SPATA21: variants seen among roughly 807,000 people sequenced by gnomAD.
SPATA21 encodes the protein spermatogenesis-associated protein 21.
In SPATA21, 47 loss-of-function variants were observed where a neutral mutation model predicts 54.8. That is an observed-to-expected ratio of 0.86 (90% CI 0.68 to 1.09). The LOEUF is 1.09. SPATA21 is among the 50% of genes least tolerant of loss of function. The pLI is 0.00. For synonymous variants in SPATA21, 245 were observed against 235.3 expected, an observed-to-expected ratio of 1.04 and a Z score of -0.38; for missense variants, 599 against 596.4, an observed-to-expected ratio of 1.00 and a Z score of -0.05.
chr1:16,430,757 G>A lies in SPATA21; in HGVS notation c.34+581C>T, dbSNP rs72904155. Among the ~76,000 whole-genome samples, 99 of 152,336 alleles carry A rather than the reference G, an allele frequency of 6.5e-4. 1 individual carries two copies. The highest frequency in any genetic ancestry group is 2.3e-3 in the African/African-American group (95 of 41,566). On this transcript the variant is annotated intron_variant, in intron 3 of 12. Coordinates refer to ENST00000335496, the MANE Select transcript of SPATA21 (RefSeq NM_198546.1). ...GCCACCTATCACCTCTGTCTCCATTGTATCAAGAGATCCAGACCACTCCCC... is the reference window on the plus strand; with the variant it reads ...GCCACCTATCACCTCTGTCTCCATTATATCAAGAGATCCAGACCACTCCCC...
intron 2 of SPATA21, 146 bp from the exon 3 acceptor site, chr1:16,431,568 C>T (rs2086458918): frequency 2.9e-6 from 2 of 697,906 alleles, no homozygotes; most frequent in Non-Finnish European, 2.3e-6. Flanking sequence ...GCAGCAAAAC[C>T]AGAGAGCTAG....
intron 3 of SPATA21, 50 bp downstream of exon 3, chr1:16,431,288 G>T: frequency 6.2e-7 from 1 of 1,614,124 alleles, no homozygotes; most frequent in South Asian, 1.1e-5. Context: ...CCCTCTTTAT[G>T]GTGATCCTCA....
At chr1:16,435,461 T>A (rs2086562744) in intron 1 of SPATA21, among the ~76,000 whole-genome samples, 1 of 151,896 alleles carries the variant, frequency 6.6e-6, no homozygotes, top group Non-Finnish European at 1.5e-5. Context: ...GGATTACAGG[T>A]GTGTGCCACC....
intron 2 of SPATA21, among the ~76,000 whole-genome samples, chr1:16,431,940 A>G (rs1469079178): frequency 2.0e-5 from 3 of 152,118 alleles, no homozygotes; most frequent in Non-Finnish European, 2.9e-5. Context: ...TGCTCCTGCT[A>G]TAGATGAAAA....
In SPATA21 at chr1:16,410,161, G is replaced by A. The variant is rs576526267; in HGVS notation, c.145-118C>T. ...ACTGCCCCTTACTCTCTGAGCCTTT[G>A]GAGGATGTACCCCAAATCTCACATG... On this transcript the variant is annotated intron_variant, in intron 5 of 12. Transcript: ENST00000335496. 3 of 848,082 alleles carry A rather than the reference G, an allele frequency of 3.5e-6. No homozygotes were observed. In the Admixed American group the frequency reaches 1.0e-4, roughly 29 times the overall value. The allele number at this position is 848,082 out of a possible 1,614,324, so 52.5% of individuals were successfully genotyped here.
chr1:16,398,932 C>T, intron 12 of SPATA21, 110 bp from the exon 13 acceptor site: 4 of 1,163,488 alleles, frequency 3.4e-6, no homozygotes, highest in Non-Finnish European at 4.8e-6. Context: ...GAGGCCTCCC[C>T]TCAGAAATGG....
At chr1:16,430,010 C>CA (rs1180736400) in intron 3 of SPATA21, among the ~76,000 whole-genome samples, 1 of 131,394 alleles carries the variant, frequency 7.6e-6, no homozygotes, top group Non-Finnish European at 1.6e-5. Flanking sequence ...TCTAAAAATA[C>CA]AAAAAAAATT....
At position 16,409,734 on chromosome 1, in the gene SPATA21, C is replaced by T. The variant is rs1198648922; in HGVS notation, c.454G>A (p.Ala152Thr). The change falls in exon 6 of 13, where the codon GCC (alanine) becomes ACC (threonine). Residue 152 changes from alanine (A) to threonine (T), a missense_variant. Physicochemically the swap from Ala to Thr is moderately conservative, Grantham distance 58. Coordinates refer to ENST00000335496, the MANE Select transcript of SPATA21 (RefSeq NM_198546.1). This position sits in a 1 kb window ranked among gnomAD's most constrained non-coding sequence, Gnocchi z 4.1. ...ARLPAPGPEPAPMGAPVPTSM... is the reference protein window; with the variant it reads ...ARLPAPGPEPTPMGAPVPTSM... ...GTGGGGACCGGGGCTCCCATGGGGG[C>T]AGGTTCTGGCCCAGGAGCTGGCAGC... The T allele has an allele frequency of 1.2e-6, 2 of 1,611,228 alleles. No individual in the cohort carries two copies. The highest frequency in any genetic ancestry group is 1.7e-6 in the Non-Finnish European group (2 of 1,179,134).
chr1:16,416,372 TAC>T (rs1282770819), intron 5 of SPATA21, among the ~76,000 whole-genome samples: 2 of 152,092 alleles, frequency 1.3e-5, no homozygotes, highest in African/African-American at 4.8e-5. Context: ...TTCTGAAGAT[TAC>T]ACAGTTAAAG....
At chr1:16,401,560 T>C (rs150899151) in intron 10 of SPATA21, among the ~76,000 whole-genome samples, 1,722 of 152,298 alleles carry the variant, frequency 0.011, 36 homozygotes, top group African/African-American at 0.038. Flanking sequence ...CCTCCCAAAG[T>C]GTTGGGATTA....
At chr1:16,415,821 G>A (rs867957588) in intron 5 of SPATA21, among the ~76,000 whole-genome samples, 24 of 152,150 alleles carry the variant, frequency 1.6e-4, no homozygotes, top group Admixed American at 1.3e-4. Flanking sequence ...GCCTCCCAAA[G>A]TGCTGGGATT....
chr1:16,396,480 C>T (rs749012277), downstream of SPATA21: 3 of 152,200 alleles, frequency 2.0e-5, no homozygotes, highest in Non-Finnish European at 4.4e-5. Flanking sequence ...ATCCTCTGTC[C>T]CTGGAGCCTG....
At chr1:16,414,134 T>G (rs2085932376) in intron 5 of SPATA21, among the ~76,000 whole-genome samples, 1 of 152,036 alleles carries the variant, frequency 6.6e-6, no homozygotes, top group African/African-American at 2.4e-5. Context: ...GGTGCAATCT[T>G]GGCTCACTGC....
At chr1:16,401,733 C>T (rs956742514) in intron 10 of SPATA21, among the ~76,000 whole-genome samples, 2 of 152,228 alleles carry the variant, frequency 1.3e-5, no homozygotes, top group Admixed American at 1.3e-4. Flanking sequence ...ATCCCCACCC[C>T]TACCCTACAG....
rs1359191625 is a variant in SPATA21, at chr1:16,421,452, TC to T, written c.144+56del. The T allele has an allele frequency of 2.0e-6, 3 of 1,516,138 alleles. No homozygotes were observed. The highest frequency in any genetic ancestry group is 2.8e-5 in the African/African-American group (2 of 72,028). The allele number at this position is 1,516,138 out of a possible 1,614,324, so 93.9% of individuals were successfully genotyped here. A position where few individuals can be genotyped will look rare whatever the true frequency, so the allele number is the denominator to read the frequency against. ...GCTTCTGCCCTCTTCCTCCTCCTGA[TC>T]CCCCCTGCCTTTCTCCTACACAGCT... On this transcript the variant is annotated intron_variant, in intron 5 of 12. Coordinates refer to ENST00000335496, the MANE Select transcript of SPATA21 (RefSeq NM_198546.1). This position sits in a 1 kb window ranked among gnomAD's most constrained non-coding sequence, Gnocchi z 5.2.
chr1:16,425,904 T>G (rs1266187744), intron 3 of SPATA21, among the ~76,000 whole-genome samples: 1 of 152,056 alleles, frequency 6.6e-6, no homozygotes, highest in East Asian at 2.0e-4. Flanking sequence ...TTGGGGGAGT[T>G]AAAATTTAAA....
At chr1:16,412,270 T>C (rs75071115) in intron 5 of SPATA21, among the ~76,000 whole-genome samples, 10,578 of 152,164 alleles carry the variant, frequency 0.07, 420 homozygotes, top group African/African-American at 0.091. Context: ...GAATACCAGA[T>C]GTCCTCCTTG....
chr1:16,435,697 C>T (rs538355172), intron 1 of SPATA21, among the ~76,000 whole-genome samples: 1 of 151,702 alleles, frequency 6.6e-6, no homozygotes, highest in South Asian at 2.1e-4. Context: ...CTCACTATAG[C>T]CTTGACCTCT....
chr1:16,400,542 T>C, intron 11 of SPATA21, 178 bp downstream of exon 11: 1 of 1,409,484 alleles, frequency 7.1e-7, no homozygotes, highest in South Asian at 1.6e-5. Flanking sequence ...GTCATAGGCC[T>C]GGATGGAAAA....
Sources: allele counts gnomAD v4.1 joint callset (sites outside exome capture counted in the v4.1 genomes callset), GRCh38; gene constraint gnomAD v4.1.1; non-coding constraint Gnocchi (gnomAD v3.1); transcripts MANE v1.5; gene names NCBI Gene and HGNC (gene_info 2026-07-23, HGNC 2026-07-21).